Variants in NR5A2 observed in about 807,000 individuals in gnomAD.
The protein encoded by NR5A2 is CYP7A promoter-binding factor.
A neutral mutation model predicts 62.7 loss-of-function variants in NR5A2; 26 were observed. The ratio of observed to expected loss-of-function variants is 0.41; its 90% CI spans 0.30 to 0.58. The LOEUF is 0.58. NR5A2 is among the 20% of genes least tolerant of loss of function. The probability of loss-of-function intolerance (pLI) is 0.22; values close to 1 mark genes in which losing one functional copy is unlikely to be tolerated. For missense variants in NR5A2, 541 were observed against 669.1 expected, an observed-to-expected ratio of 0.81 and a Z score of 2.11; for synonymous variants, 246 against 241.7, an observed-to-expected ratio of 1.02 and a Z score of -0.16.
At chr1:200,090,221 C>T (rs1010859845) in intron 5 of NR5A2, among the ~76,000 whole-genome samples, 1 of 152,172 alleles carries the variant, frequency 6.6e-6, no homozygotes, top group Non-Finnish European at 1.5e-5. Flanking sequence ...TTTAACTTGT[C>T]AGAAATTCAT....
Position 200,175,563 on chromosome 1 carries a change from G to A in NR5A2, c.*1353G>A, listed in dbSNP as rs1384921976. 6.5e-6 allele frequency: 1 copy of A among 152,674 alleles called. No homozygotes were observed. Among genetic ancestry groups the A allele is most frequent in the Non-Finnish European group, 1.5e-5 (1 of 68,048 alleles). 9.5% of individuals were successfully genotyped at this position (152,674 alleles called of 1,614,324 possible). A position where few individuals can be genotyped will look rare whatever the true frequency, so the allele number is the denominator to read the frequency against. On this transcript the variant is annotated 3_prime_UTR_variant, in exon 8 of 8. Coordinates refer to ENST00000367362, the MANE Select transcript of NR5A2 (RefSeq NM_205860.3). ...TTTCACAATTTTAAAAGGTAGCTGT[G>A]CAGATGTGGATCAACATTTGTTTAA...
At chr1:200,106,845 AT>A (rs950168577) in intron 5 of NR5A2, among the ~76,000 whole-genome samples, 4 of 151,926 alleles carry the variant, frequency 2.6e-5, no homozygotes, top group African/African-American at 4.8e-5. Flanking sequence ...CATTTACCCT[AT>A]TTTTTTTATT....
intron 7 of NR5A2, among the ~76,000 whole-genome samples, chr1:200,145,575 T>A (rs548306535): frequency 5.2e-4 from 79 of 152,164 alleles, no homozygotes; most frequent in African/African-American, 1.9e-3. Flanking sequence ...AATTCCAGTT[T>A]CTTTCTAAAA....
At position 200,045,394 on chromosome 1, in the gene NR5A2, G is replaced by C. The variant is rs928910582; in HGVS notation, c.322-49G>C. The C allele has an allele frequency of 4.7e-6, 7 of 1,491,046 alleles. No individual in the cohort carries two copies. In the African/African-American group the frequency reaches 1.0e-4, roughly 21 times the overall value. 92.4% of individuals were successfully genotyped at this position (1,491,046 alleles called of 1,614,324 possible). A position where few individuals can be genotyped will look rare whatever the true frequency, so the allele number is the denominator to read the frequency against. On this transcript the variant is annotated intron_variant, in intron 3 of 7. Coordinates refer to ENST00000367362, the MANE Select transcript of NR5A2 (RefSeq NM_205860.3). ...TTTCTTAAAATGAAACAATGGAAAAGACGGGTGTTAGATTTATAATACGTC... is the reference window on the plus strand; with the variant it reads ...TTTCTTAAAATGAAACAATGGAAAACACGGGTGTTAGATTTATAATACGTC...
intron 5 of NR5A2, among the ~76,000 whole-genome samples, chr1:200,102,003 A>G (rs1458695736): frequency 6.6e-6 from 1 of 152,250 alleles, no homozygotes; most frequent in South Asian, 2.1e-4. Flanking sequence ...TACATACAAT[A>G]CTGTAAACCT....
At chr1:200,168,866 A>G (rs1014336975) in intron 7 of NR5A2, among the ~76,000 whole-genome samples, 12 of 152,228 alleles carry the variant, frequency 7.9e-5, no homozygotes, top group Admixed American at 6.5e-4. Context: ...AATTTTGAAC[A>G]TTAGCTCCTT....
intron 5 of NR5A2, among the ~76,000 whole-genome samples, chr1:200,089,471 A>ACTTT (rs746873521): frequency 9.0e-5 from 13 of 144,214 alleles, no homozygotes; most frequent in Non-Finnish European, 1.8e-4. Context: ...ACTTTGTACA[A>ACTTT]CTTTCTTTCT....
chr1:200,147,576 C>T lies in NR5A2; in HGVS notation c.1379-26387C>T. 1 of 708,038 alleles carries T rather than the reference C, an allele frequency of 1.4e-6. No homozygotes were observed. Among genetic ancestry groups the T allele is most frequent in the South Asian group, 1.3e-5 (1 of 74,296 alleles). 43.9% of individuals were successfully genotyped at this position (708,038 alleles called of 1,614,324 possible). On this transcript the variant is annotated intron_variant, in intron 7 of 7. Transcript: ENST00000367362. This position sits in a 1 kb window ranked among gnomAD's most constrained non-coding sequence, Gnocchi z 4.9. ...CCATTGGTGTGCTTAAAGCGATCTC[C>T]TCTACACGAACGCTAGGGCAGAGCA...
intron 1 of NR5A2, among the ~76,000 whole-genome samples, chr1:200,031,412 G>T (rs181641586): frequency 5.3e-5 from 8 of 152,156 alleles, no homozygotes; most frequent in Non-Finnish European, 1.2e-4. Context: ...AGTGACTAGG[G>T]CTTGGGGGTT....
At chr1:200,168,037 CTGAATGAA>C (rs1653987580) in intron 7 of NR5A2, among the ~76,000 whole-genome samples, 1 of 151,784 alleles carries the variant, frequency 6.6e-6, no homozygotes, top group African/African-American at 2.4e-5. Flanking sequence ...GCTGTTAAGA[CTGAATGAA>C]TAAATGAATG....
chr1:200,140,457 A>G (rs1399649982), intron 7 of NR5A2, among the ~76,000 whole-genome samples: 1 of 152,226 alleles, frequency 6.6e-6, no homozygotes, highest in African/African-American at 2.4e-5. Flanking sequence ...TTTAAAATTA[A>G]GATTGACATC....
chr1:200,129,665 G>A (rs1431987110), intron 7 of NR5A2, among the ~76,000 whole-genome samples: 1 of 152,238 alleles, frequency 6.6e-6, no homozygotes, highest in Non-Finnish European at 1.5e-5. Context: ...GTGTGAACTC[G>A]TTGCTTTAAC....
intron 6 of NR5A2, among the ~76,000 whole-genome samples, chr1:200,114,887 T>C (rs1386632093): frequency 6.6e-6 from 1 of 152,198 alleles, no homozygotes; most frequent in Non-Finnish European, 1.5e-5. Context: ...CCATACCGTT[T>C]ATCTGATTAA....
chr1:200,062,044 GCTTTA>G, intron 5 of NR5A2, among the ~76,000 whole-genome samples: 1 of 152,274 alleles, frequency 6.6e-6, no homozygotes, highest in African/African-American at 2.4e-5. Context: ...AGACATCTTT[GCTTTA>G]CTTTTAAGCA....
At chr1:200,135,836 G>A (rs1667198179) in intron 7 of NR5A2, among the ~76,000 whole-genome samples, 1 of 152,198 alleles carries the variant, frequency 6.6e-6, no homozygotes, top group African/African-American at 2.4e-5. Flanking sequence ...ATCTGTGAAA[G>A]TCATAGAAAT....
intron 1 of NR5A2, chr1:200,029,193 C>T (rs1395744429): frequency 2.8e-6 from 1 of 356,960 alleles, no homozygotes; most frequent in Non-Finnish European, 5.6e-6. Flanking sequence ...CTAGAGCGCG[C>T]TCGGGCCGGA....
intron 7 of NR5A2, among the ~76,000 whole-genome samples, chr1:200,124,378 CA>C (rs1666609659): frequency 6.6e-6 from 1 of 152,150 alleles, no homozygotes; most frequent in African/African-American, 2.4e-5. Flanking sequence ...TGACAGGACT[CA>C]AAAGAAAAGT....
chr1:200,169,680 G>T lies in NR5A2; in HGVS notation c.1379-4283G>T, dbSNP rs192755327. On this transcript the variant is annotated intron_variant, in intron 7 of 7. Coordinates refer to ENST00000367362, the MANE Select transcript of NR5A2 (RefSeq NM_205860.3). ...GTCCCTGAGTGAATAAAGTAGAATAGATGATAACAGATTGATACTAAGAGA... is the reference window on the plus strand; with the variant it reads ...GTCCCTGAGTGAATAAAGTAGAATATATGATAACAGATTGATACTAAGAGA... Among the ~76,000 whole-genome samples, 642 of 152,332 alleles carry T rather than the reference G, an allele frequency of 4.2e-3. 4 individuals carry two copies. Among genetic ancestry groups the T allele is most frequent in the Non-Finnish European group, 6.9e-3 (467 of 68,024 alleles).
At chr1:200,120,058 C>T (rs988742009) in intron 6 of NR5A2, among the ~76,000 whole-genome samples, 1 of 152,162 alleles carries the variant, frequency 6.6e-6, no homozygotes, top group East Asian at 1.9e-4. Context: ...CTGAGAATAG[C>T]AGTTTTATGT....
Sources: allele counts gnomAD v4.1 joint callset (sites outside exome capture counted in the v4.1 genomes callset), GRCh38; gene constraint gnomAD v4.1.1; non-coding constraint Gnocchi (gnomAD v3.1); transcripts MANE v1.5; gene names NCBI Gene and HGNC (gene_info 2026-07-23, HGNC 2026-07-21).